CCDC178: variants seen among roughly 807,000 people sequenced by gnomAD.
The protein encoded by CCDC178 is coiled-coil domain-containing protein 178.
CCDC178 carries 126 observed loss-of-function variants against 117.4 expected under a neutral mutation model. The observed-to-expected ratio is 1.07, with a 90% CI of 0.93 to 1.24. The LOEUF is 1.24. Ranked by LOEUF, CCDC178 falls within the 50% of genes most tolerant of loss-of-function variation. CCDC178 has a pLI of 0.00. For missense variants in CCDC178, 1,030 were observed against 986.9 expected (o/e 1.04, Z -0.59); for synonymous variants, 283 against 313.4 (o/e 0.90, Z 1.02).
chr18:33,417,306 A>G (rs2063957126), intron 2 of CCDC178, among the ~76,000 whole-genome samples: 2 of 152,196 alleles, frequency 1.3e-5, no homozygotes, highest in South Asian at 4.1e-4. Flanking sequence ...TGAACTCCAT[A>G]CTAATTATGC....
At chr18:32,959,600 A>G (rs1408708384) in intron 22 of CCDC178, among the ~76,000 whole-genome samples, 1 of 151,930 alleles carries the variant, frequency 6.6e-6, no homozygotes, top group African/African-American at 2.4e-5. Context: ...AATGTATCCT[A>G]ATTTTTTTTC....
chr18:33,027,874 G>A (rs1035404394), intron 21 of CCDC178, among the ~76,000 whole-genome samples: 2 of 151,412 alleles, frequency 1.3e-5, no homozygotes, highest in Admixed American at 6.6e-5. Flanking sequence ...TGATATTTGG[G>A]CAACAGATTT....
At chr18:32,972,647 G>T (rs2054952577) in intron 22 of CCDC178, among the ~76,000 whole-genome samples, 1 of 152,034 alleles carries the variant, frequency 6.6e-6, no homozygotes, top group South Asian at 2.1e-4. Flanking sequence ...CACAAAAGAA[G>T]AAGAATGAGT....
chr18:33,078,216 C>T (rs1261335215), intron 21 of CCDC178, among the ~76,000 whole-genome samples: 1 of 152,080 alleles, frequency 6.6e-6, no homozygotes, highest in Non-Finnish European at 1.5e-5. Context: ...TAAAGGCTCT[C>T]AATAAAATTC....
chr18:33,143,723 G>A (rs1347082321), intron 20 of CCDC178, among the ~76,000 whole-genome samples: 2 of 152,082 alleles, frequency 1.3e-5, no homozygotes, highest in East Asian at 3.8e-4. Context: ...TGGAATATTA[G>A]TGTAAAAGTT....
At chr18:33,191,188 A>G (rs984367772) in intron 20 of CCDC178, among the ~76,000 whole-genome samples, 1 of 152,140 alleles carries the variant, frequency 6.6e-6, no homozygotes, top group Non-Finnish European at 1.5e-5. Flanking sequence ...GGATGCCACC[A>G]TAGTGGTACT....
chr18:32,938,558 ATTTCT>A (rs1276168764), intron 22 of CCDC178, among the ~76,000 whole-genome samples: 1 of 152,130 alleles, frequency 6.6e-6, no homozygotes, highest in Non-Finnish European at 1.5e-5. Context: ...AAAAAGGAAA[ATTTCT>A]TGCCCTCATG....
chr18:33,015,474 A>T (rs2055966110), intron 21 of CCDC178, among the ~76,000 whole-genome samples: 1 of 151,996 alleles, frequency 6.6e-6, no homozygotes, highest in Non-Finnish European at 1.5e-5. Flanking sequence ...CTGAGGCAGG[A>T]GAATGGCGTG....
At chr18:33,250,091 C>T (rs2059602094) in intron 14 of CCDC178, among the ~76,000 whole-genome samples, 1 of 151,628 alleles carries the variant, frequency 6.6e-6, no homozygotes, top group African/African-American at 2.4e-5. Context: ...ATTAAAGAAT[C>T]ATTTTAGCCA....
chr18:33,011,502 T>C (rs983806275), intron 21 of CCDC178, among the ~76,000 whole-genome samples: 1 of 151,952 alleles, frequency 6.6e-6, no homozygotes, highest in Non-Finnish European at 1.5e-5. Context: ...AGGATTCCAA[T>C]GGGGAGCCGA....
chr18:33,245,685 G>A (rs570325155), intron 14 of CCDC178, among the ~76,000 whole-genome samples: 1 of 151,860 alleles, frequency 6.6e-6, no homozygotes, highest in South Asian at 2.1e-4. Context: ...TGGGGAATCC[G>A]GGTGCTTGGC....
chr18:33,020,963 G>T, intron 21 of CCDC178, among the ~76,000 whole-genome samples: 1 of 152,148 alleles, frequency 6.6e-6, no homozygotes, highest in East Asian at 1.9e-4. Context: ...ATATATATTT[G>T]TGAGGCTCTA....
intron 22 of CCDC178, among the ~76,000 whole-genome samples, chr18:32,972,983 T>G (rs1046253651): frequency 2.6e-5 from 4 of 152,096 alleles, no homozygotes; most frequent in African/African-American, 9.7e-5. Flanking sequence ...AATCCAACCT[T>G]GCTGCTGTGT....
intron 6 of CCDC178, among the ~76,000 whole-genome samples, chr18:33,360,272 T>C (rs1203737511): frequency 6.7e-6 from 1 of 150,256 alleles, no homozygotes; most frequent in Non-Finnish European, 1.5e-5. Context: ...AATCCTTATA[T>C]AATATATAAT....
chr18:33,387,144 T>A (rs1322400542), intron 5 of CCDC178, among the ~76,000 whole-genome samples: 1 of 151,822 alleles, frequency 6.6e-6, no homozygotes, highest in Admixed American at 6.6e-5. Flanking sequence ...GGAAAACAAC[T>A]AACAAGGGAA....
At chr18:33,233,517 C>T (rs769583684) in intron 15 of CCDC178, among the ~76,000 whole-genome samples, 1 of 151,836 alleles carries the variant, frequency 6.6e-6, no homozygotes, top group Non-Finnish European at 1.5e-5. Context: ...TTAGAACCCA[C>T]GCATTTATCA....
At chr18:33,114,374 G>C (rs1364294352) in intron 20 of CCDC178, among the ~76,000 whole-genome samples, 2 of 152,004 alleles carry the variant, frequency 1.3e-5, no homozygotes, top group Non-Finnish European at 2.9e-5. Flanking sequence ...GAGAGAATGG[G>C]GGGTGGGGAA....
In CCDC178 at chr18:33,344,280, C is replaced by T. The variant is rs565557211; in HGVS notation, c.658+1931G>A. 9.6e-5 allele frequency among the ~76,000 whole-genome samples: 13 copies of T among 135,292 alleles called. No individual in the cohort carries two copies. In the South Asian group the frequency reaches 2.1e-3, roughly 22 times the overall value. 88.8% of individuals were successfully genotyped at this position (135,292 alleles called of 152,430 possible). ...GATTGCGCCACTGCAGTCCGCAGTCCGGCCTGGGCGACAGAGCGAGACTCC... is the reference window on the plus strand; with the variant it reads ...GATTGCGCCACTGCAGTCCGCAGTCTGGCCTGGGCGACAGAGCGAGACTCC... On this transcript the variant is annotated intron_variant, in intron 9 of 22. Transcript: ENST00000383096.
At chr18:33,324,448 G>A (rs544541872) in intron 10 of CCDC178, among the ~76,000 whole-genome samples, 2 of 151,952 alleles carry the variant, frequency 1.3e-5, no homozygotes, top group South Asian at 2.1e-4. Context: ...TTTCTGAGTC[G>A]TAAGGTATTA....
Sources: gnomAD v4.1 joint callset for allele counts (sites outside exome capture counted in the v4.1 genomes callset) on GRCh38, gnomAD v4.1.1 for gene constraint, MANE v1.5 for transcripts, NCBI Gene and HGNC (gene_info 2026-07-23, HGNC 2026-07-21) for gene names.